Variants in ZNF99 observed in about 807,000 individuals in gnomAD.
ZNF99 encodes zinc finger protein 99.
A neutral mutation model predicts 12.8 loss-of-function variants in ZNF99; 8 were observed. The ratio of observed to expected loss-of-function variants is 0.62; its 90% CI spans 0.37 to 1.13. The LOEUF is 1.13. Among genes scored for constraint, ZNF99 ranks in the 50% most tolerant of loss-of-function variants. ZNF99 has a pLI of 0.02. For missense variants in ZNF99, 1,007 were observed against 1,006.2 expected, an observed-to-expected ratio of 1.00 and a Z score of -0.01; for synonymous variants, 318 against 319.0, an observed-to-expected ratio of 1.00 and a Z score of 0.03.
chr19:22,759,630 A>G lies in ZNF99; in HGVS notation c.279T>C (p.Asp93=). Residue 93 remains aspartate (D), a synonymous_variant, in exon 4 of 4, where the codon GAT becomes GAC. Coordinates refer to ENST00000596209, the MANE Select transcript of ZNF99 (RefSeq NM_001080409.3). ...TTCTCAATATTATTTCTTGGAAAGAATCTTTTATGCTCTGATCTGGCCAAA... is the reference window on the plus strand; with the variant it reads ...TTCTCAATATTATTTCTTGGAAAGAGTCTTTTATGCTCTGATCTGGCCAAA... ...QDFWPDQSIK[D]SFQEIILRTY... is the part of the protein sequence containing the mutation. 1 of 1,594,458 alleles carries G rather than the reference A, an allele frequency of 6.3e-7. No homozygotes were observed. Among genetic ancestry groups the G allele is most frequent in the Non-Finnish European group, 8.5e-7 (1 of 1,174,274 alleles).
Position 22,759,445 on chromosome 19 carries a change from T to C in ZNF99, c.464A>G (p.His155Arg). 1 of 1,598,260 alleles carries C rather than the reference T, an allele frequency of 6.3e-7. No homozygotes were observed. Among genetic ancestry groups the C allele is most frequent in the Non-Finnish European group, 8.5e-7 (1 of 1,172,760 alleles). The change falls in exon 4 of 4, where the codon CAT becomes CGT. Residue 155 changes from histidine (H) to arginine (R), a missense_variant. By Grantham distance (29) the His-to-Arg change is conservative. Transcript: ENST00000596209. ...FQCNKYVKVF[H>R]KYSNSNRYKI... is the part of the protein sequence containing the mutation. The stretch of plus-strand genomic sequence containing the variant: ...ATATCTATTTGAATTTGAATATTTA[T>C]GAAAGACTTTCACATATTTGTTACA...
rs757166345 is a variant in ZNF99, at chr19:22,757,418, T to C, written c.2491A>G (p.Lys831Glu). The C allele has an allele frequency of 1.2e-6, 2 of 1,609,180 alleles. No individual in the cohort carries two copies. Among genetic ancestry groups the C allele is most frequent in the South Asian group, 1.1e-5 (1 of 90,828 alleles). The change falls in exon 4 of 4, where the codon AAA becomes GAA. Residue 831 changes from lysine to glutamate, a missense_variant. Physicochemically the swap from Lys to Glu is moderately conservative, Grantham distance 56. Coordinates refer to ENST00000596209, the MANE Select transcript of ZNF99 (RefSeq NM_001080409.3). ...TGAATTACCTTATGTAAAGTAAGTTTTGAGGACCACTGAAAAGCTTTACCA... is the reference window on the plus strand; with the variant it reads ...TGAATTACCTTATGTAAAGTAAGTTCTGAGGACCACTGAAAAGCTTTACCA... The part of the protein sequence containing the change: ...ECGKAFQWSS[K>E]LTLHKVIHME...
In ZNF99 at chr19:22,752,810, ATTTAAT is replaced by A. The variant is rs534401548; in HGVS notation, c.*4498_*4503del. 174 of 152,306 alleles carry A rather than the reference ATTTAAT, an allele frequency of 1.1e-3. No homozygotes were observed. The highest frequency in any genetic ancestry group is 4.0e-3 in the African/African-American group (165 of 41,596). The allele number at this position is 152,306 out of a possible 1,614,324, so 9.4% of individuals were successfully genotyped here. On this transcript the variant is annotated 3_prime_UTR_variant, in exon 4 of 4. Coordinates refer to ENST00000596209, the MANE Select transcript of ZNF99 (RefSeq NM_001080409.3). ...GCACAACTAATATAATACATCACTA[ATTTAAT>A]TTTAATTTTAACTAAAATTTTAAAA... is the stretch of plus-strand genomic sequence containing the variant.
At position 22,784,083 on chromosome 19, in the gene ZNF99, C is replaced by A; in HGVS notation, c.-67G>T. On this transcript the variant is annotated 5_prime_UTR_variant, in exon 1 of 4. Transcript: ENST00000596209. ...TCCAAATACCTACAGGTCACAGGGC[C>A]ACAGAGGCTAAGGACACAGAGCAGT... is the stretch of plus-strand genomic sequence containing the variant. 1 of 1,588,572 alleles carries A rather than the reference C, an allele frequency of 6.3e-7. No homozygotes were observed. Among genetic ancestry groups the A allele is most frequent in the South Asian group, 1.1e-5 (1 of 90,076 alleles).
At chr19:22,771,624 T>G (rs183360195) in intron 1 of ZNF99, among the ~76,000 whole-genome samples, 167 of 151,116 alleles carry the variant, frequency 1.1e-3, no homozygotes, top group African/African-American at 3.8e-3. Flanking sequence ...CAACATTACA[T>G]GTTCTACTTT....
At chr19:22,771,714 CTTTTTT>C (rs34457637) in intron 1 of ZNF99, among the ~76,000 whole-genome samples, 6 of 91,140 alleles carry the variant, frequency 6.6e-5, no homozygotes, top group South Asian at 4.4e-4. Context: ...ACAGGTGAAA[CTTTTTT>C]TTTTTTTTTT....
At chr19:22,772,122 G>T (rs1820848370) in intron 1 of ZNF99, among the ~76,000 whole-genome samples, 1 of 151,978 alleles carries the variant, frequency 6.6e-6, no homozygotes, top group African/African-American at 2.4e-5. Flanking sequence ...TAACCTGGGA[G>T]CAAATATTCA....
Position 22,758,533 on chromosome 19 carries a change from C to A in ZNF99, c.1376G>T (p.Ser459Ile), listed in dbSNP as rs184759776. 742 of 1,612,718 alleles carry A rather than the reference C, an allele frequency of 4.6e-4. 2 individuals are homozygous for A. Among genetic ancestry groups the A allele is most frequent in the Middle Eastern group, 4.5e-3 (27 of 6,046 alleles). ...GGCTGAAAAATTGCTAAAAGCTTTG[C>A]TGCATTCTTCACATTTGTAGGGTTG... is the stretch of plus-strand genomic sequence containing the variant. ...GKQPYKCEEC[S>I]KAFSNFSALR... The change falls in exon 4 of 4, where the codon AGC (serine) becomes ATC (isoleucine). Residue 459 changes from serine (S) to isoleucine (I), a missense_variant. Ser to Ile is a moderately radical substitution (Grantham distance 142). Coordinates refer to ENST00000596209, the MANE Select transcript of ZNF99 (RefSeq NM_001080409.3).
rs952230305 is a variant in ZNF99, at chr19:22,755,121, T to C, written c.*2193A>G. ...AAGAATGCTTATGGCATTATTCACA[T>C]TTGTAGGGTTTCTCTCCCATTGAAT... is the stretch of plus-strand genomic sequence containing the variant. On this transcript the variant is annotated 3_prime_UTR_variant, in exon 4 of 4. Transcript: ENST00000596209. The C allele has an allele frequency of 1.0e-5, 2 of 198,040 alleles. No individual in the cohort carries two copies. The highest frequency in any genetic ancestry group is 2.1e-5 in the Non-Finnish European group (2 of 95,218). 12.3% of individuals were successfully genotyped at this position (198,040 alleles called of 1,614,324 possible). A position where few individuals can be genotyped will look rare whatever the true frequency, so the allele number is the denominator to read the frequency against.
chr19:22,754,366 C>CAAAAAA lies in ZNF99; in HGVS notation c.*2942_*2947dup. 6.3e-6 allele frequency: 2 copies of CAAAAAA among 317,646 alleles called. No individual in the cohort carries two copies. Among genetic ancestry groups the CAAAAAA allele is most frequent in the East Asian group, 8.8e-5 (1 of 11,372 alleles). 19.7% of individuals were successfully genotyped at this position (317,646 alleles called of 1,614,324 possible). On this transcript the variant is annotated 3_prime_UTR_variant, in exon 4 of 4. Coordinates refer to ENST00000596209, the MANE Select transcript of ZNF99 (RefSeq NM_001080409.3). ...TGGGCGACAGAGTGAGACTCCATTT[C>CAAAAAA]AAAAAAAAAAAAAAAACTTTGCCAC...
intron 3 of ZNF99, among the ~76,000 whole-genome samples, chr19:22,762,399 A>G (rs1973159648): frequency 6.6e-6 from 1 of 152,224 alleles, no homozygotes. Flanking sequence ...AGAAATGAAT[A>G]AATTTCTGCA....
At chr19:22,776,963 T>C (rs1973336516) in intron 1 of ZNF99, among the ~76,000 whole-genome samples, 1 of 151,896 alleles carries the variant, frequency 6.6e-6, no homozygotes, top group African/African-American at 2.4e-5. Flanking sequence ...CTAAACAACA[T>C]GGCAAAACCC....
chr19:22,777,370 C>T (rs1973341337), intron 1 of ZNF99, among the ~76,000 whole-genome samples: 1 of 152,022 alleles, frequency 6.6e-6, no homozygotes, highest in African/African-American at 2.4e-5. Context: ...GGGAACAACA[C>T]ACACCCTTCT....
At chr19:22,781,132 G>C (rs769267683) in intron 1 of ZNF99, among the ~76,000 whole-genome samples, 1 of 151,942 alleles carries the variant, frequency 6.6e-6, no homozygotes, top group Non-Finnish European at 1.5e-5. Flanking sequence ...TTTGCCCTTG[G>C]TTAAGTATTT....
At chr19:22,770,909 G>A (rs1599446763) in intron 1 of ZNF99, 1 of 151,798 alleles carries the variant, frequency 6.6e-6, no homozygotes, top group Non-Finnish European at 1.5e-5. Flanking sequence ...GCACACTAGA[G>A]AGCAGGTATC....
At chr19:22,780,267 C>A (rs4933036) in intron 1 of ZNF99, among the ~76,000 whole-genome samples, 29,415 of 152,162 alleles carry the variant, frequency 0.19, 3,803 homozygotes, top group African/African-American at 0.37. Flanking sequence ...AAATTCAGTG[C>A]AATTACTCTA....
intron 1 of ZNF99, among the ~76,000 whole-genome samples, chr19:22,776,404 A>G (rs1310719748): frequency 8.9e-6 from 1 of 112,014 alleles, no homozygotes; most frequent in Admixed American, 1.1e-4. Context: ...TTTTTCCAAA[A>G]TAAGATATAT....
chr19:22,768,537 G>A (rs1488494822), intron 2 of ZNF99, 137 bp from the exon 3 acceptor site: 23 of 711,354 alleles, frequency 3.2e-5, no homozygotes, highest in Non-Finnish European at 4.8e-5. Flanking sequence ...TAAATATTTA[G>A]AAAATATTTT....
At chr19:22,762,420 C>A (rs1369997634) in intron 3 of ZNF99, among the ~76,000 whole-genome samples, 2 of 151,930 alleles carry the variant, frequency 1.3e-5, no homozygotes, top group African/African-American at 4.8e-5. Context: ...AAAATGCAAC[C>A]CACCCAGCTT....
Sources: gnomAD v4.1 joint callset for allele counts (sites outside exome capture counted in the v4.1 genomes callset) on GRCh38, gnomAD v4.1.1 for gene constraint, MANE v1.5 for transcripts, NCBI Gene and HGNC (gene_info 2026-07-23, HGNC 2026-07-21) for gene names.